ATP9B: variants seen among roughly 807,000 people sequenced by gnomAD.
ATP9B encodes ATPase phospholipid transporting 9B.
In ATP9B, 110 loss-of-function variants were observed where a neutral mutation model predicts 146.1. The ratio of observed to expected loss-of-function variants is 0.75; its 90% CI spans 0.65 to 0.88. The LOEUF (loss-of-function observed/expected upper bound fraction) is 0.88, where lower values mean the gene tolerates loss of function less well. Ranked by LOEUF, ATP9B falls within the 40% of genes least tolerant of loss-of-function variation. The probability of loss-of-function intolerance (pLI) is 0.00; values close to 1 mark genes in which losing one functional copy is unlikely to be tolerated. For synonymous variants in ATP9B, 604 were observed against 569.7 expected, an observed-to-expected ratio of 1.06 and a Z score of -0.86; for missense variants, 1,499 against 1,496.4, an observed-to-expected ratio of 1.00 and a Z score of -0.03.
chr18:79,178,462 C>T (rs962364127), intron 8 of ATP9B, among the ~76,000 whole-genome samples: 8 of 151,996 alleles, frequency 5.3e-5, no homozygotes, highest in Admixed American at 2.0e-4. Flanking sequence ...TTGACAGTCT[C>T]GGAGCAAAAG....
intron 11 of ATP9B, among the ~76,000 whole-genome samples, chr18:79,244,557 C>T (rs1216464272): frequency 6.6e-6 from 1 of 152,114 alleles, no homozygotes; most frequent in East Asian, 1.9e-4. Context: ...TAACTTTCTT[C>T]ATGAGTTTTT....
chr18:79,080,908 T>C (rs1221881862), intron 1 of ATP9B, among the ~76,000 whole-genome samples: 1 of 152,246 alleles, frequency 6.6e-6, no homozygotes, highest in African/African-American at 2.4e-5. Context: ...TCTGTTTATG[T>C]GATGGATTAC....
intron 1 of ATP9B, among the ~76,000 whole-genome samples, chr18:79,076,411 A>G (rs975700527): frequency 1.3e-5 from 2 of 152,260 alleles, no homozygotes; most frequent in Middle Eastern, 3.4e-3. Flanking sequence ...CTGAAGGATA[A>G]TTTCACCAGA....
intron 7 of ATP9B, among the ~76,000 whole-genome samples, chr18:79,170,969 G>A (rs2095061487): frequency 6.6e-6 from 1 of 152,182 alleles, no homozygotes; most frequent in African/African-American, 2.4e-5. Context: ...TGGCTGTGCT[G>A]TGCAGCTTTA....
chr18:79,277,276 T>G, intron 13 of ATP9B, 80 bp downstream of exon 13: 2 of 1,527,830 alleles, frequency 1.3e-6, no homozygotes, highest in Non-Finnish European at 1.8e-6. Flanking sequence ...TAGATATATG[T>G]TTATGTGTAT....
At chr18:79,158,699 A>G (rs2094832714) in intron 7 of ATP9B, among the ~76,000 whole-genome samples, 1 of 152,208 alleles carries the variant, frequency 6.6e-6, no homozygotes, top group Non-Finnish European at 1.5e-5. Flanking sequence ...TGGAGAACAT[A>G]CTTTATATGA....
intron 5 of ATP9B, among the ~76,000 whole-genome samples, chr18:79,140,777 T>C (rs2147376680): frequency 6.6e-6 from 1 of 152,198 alleles, no homozygotes; most frequent in African/African-American, 2.4e-5. Context: ...TGAAACTCCA[T>C]CTCAAACAGC....
chr18:79,154,870 TTGAA>T (rs765452368), intron 7 of ATP9B, among the ~76,000 whole-genome samples: 6 of 152,360 alleles, frequency 3.9e-5, no homozygotes, highest in Middle Eastern at 3.4e-3. Context: ...AAAATTTTCT[TTGAA>T]TGACAGTATA....
intron 1 of ATP9B, among the ~76,000 whole-genome samples, chr18:79,089,910 T>C (rs2074173691): frequency 6.6e-6 from 1 of 152,192 alleles, no homozygotes; most frequent in Non-Finnish European, 1.5e-5. Flanking sequence ...CATCCATTCT[T>C]TGTCCCCCAC....
chr18:79,348,292 C>G, intron 25 of ATP9B, 96 bp downstream of exon 25: 1 of 1,142,876 alleles, frequency 8.7e-7, no homozygotes, highest in South Asian at 1.3e-5. Context: ...ATAGAAGATT[C>G]TTGATACAGT....
chr18:79,301,517 G>A (rs1206985470), intron 13 of ATP9B, among the ~76,000 whole-genome samples: 1 of 152,218 alleles, frequency 6.6e-6, no homozygotes, highest in African/African-American at 2.4e-5. Context: ...TAAAGCACTT[G>A]TAGAACTTCA....
At chr18:79,365,228 T>C (rs1481988051) in intron 26 of ATP9B, among the ~76,000 whole-genome samples, 2 of 152,014 alleles carry the variant, frequency 1.3e-5, no homozygotes, top group Non-Finnish European at 1.5e-5. Flanking sequence ...CCAGAGATAA[T>C]CCACAGATGG....
chr18:79,236,980 A>T (rs71366512), intron 11 of ATP9B, among the ~76,000 whole-genome samples: 1 of 73,990 alleles, frequency 1.4e-5, no homozygotes, highest in Admixed American at 1.3e-4. Flanking sequence ...CCGTGCATGA[A>T]TCAGTGTCCA....
intron 8 of ATP9B, among the ~76,000 whole-genome samples, chr18:79,187,396 C>T (rs901031952): frequency 6.6e-6 from 1 of 152,196 alleles, no homozygotes; most frequent in African/African-American, 2.4e-5. Flanking sequence ...GAAGGAAAGG[C>T]CTGGTGAGTA....
chr18:79,366,705 G>A lies in ATP9B; in HGVS notation c.3013-6120G>A, dbSNP rs147764162. ...GAGTGGCTAGAATCAGGAACCAGGCGGTAGTGAGCAAGCTCAGTGTTGCAG... is the reference window on the plus strand; with the variant it reads ...GAGTGGCTAGAATCAGGAACCAGGCAGTAGTGAGCAAGCTCAGTGTTGCAG... On this transcript the variant is annotated intron_variant, in intron 26 of 29. Transcript: ENST00000426216. 2.4e-3 allele frequency among the ~76,000 whole-genome samples: 372 copies of A among 152,334 alleles called. 1 individual carries two copies. Among genetic ancestry groups the A allele is most frequent in the South Asian group, 6.4e-3 (31 of 4,820 alleles).
chr18:79,235,843 A>G (rs1286581733), intron 11 of ATP9B, among the ~76,000 whole-genome samples: 2 of 152,008 alleles, frequency 1.3e-5, no homozygotes, highest in Admixed American at 1.3e-4. Flanking sequence ...GCACATTTTT[A>G]TATCGTCTTC....
At chr18:79,069,745 C>T (rs1298155679) in intron 1 of ATP9B, among the ~76,000 whole-genome samples, 1 of 152,232 alleles carries the variant, frequency 6.6e-6, no homozygotes, top group African/African-American at 2.4e-5. Context: ...CGGCTGCATC[C>T]CCGGGACGCC....
chr18:79,249,142 T>A (rs1321761935), intron 11 of ATP9B, among the ~76,000 whole-genome samples: 1 of 152,148 alleles, frequency 6.6e-6, no homozygotes, highest in Non-Finnish European at 1.5e-5. Flanking sequence ...TTACCCTTTA[T>A]TGTTGGTATA....
chr18:79,152,207 C>G (rs182168038), intron 6 of ATP9B, among the ~76,000 whole-genome samples: 16 of 152,278 alleles, frequency 1.1e-4, no homozygotes, highest in African/African-American at 3.6e-4. Flanking sequence ...GAAATAGGAA[C>G]GCTTTTACAC....
Sources: allele counts gnomAD v4.1 joint callset (sites outside exome capture counted in the v4.1 genomes callset), GRCh38; gene constraint gnomAD v4.1.1; transcripts MANE v1.5; gene names NCBI Gene and HGNC (gene_info 2026-07-23, HGNC 2026-07-21).